The following FOXN2 variants were observed in gnomAD, a reference collection of about 807,000 sequenced individuals.
FOXN2 encodes forkhead box protein N2.
Under a neutral mutation model 41.2 loss-of-function variants are expected in FOXN2, and 19 were observed. The ratio of observed to expected loss-of-function variants is 0.46; its 90% CI spans 0.32 to 0.68. The LOEUF is 0.68. Ranked by LOEUF, FOXN2 falls within the 30% of genes least tolerant of loss-of-function variation. FOXN2 has a pLI of 0.03. For missense variants in FOXN2, 587 were observed against 509.4 expected, an observed-to-expected ratio of 1.15 and a Z score of -1.47; for synonymous variants, 195 against 176.8, an observed-to-expected ratio of 1.10 and a Z score of -0.82.
At chr2:48,323,918 C>A (rs921788903) in intron 1 of FOXN2, among the ~76,000 whole-genome samples, 19 of 151,866 alleles carry the variant, frequency 1.3e-4, no homozygotes, top group African/African-American at 4.6e-4. Flanking sequence ...AGAGATGGGT[C>A]CAGTTTCATT....
chr2:48,340,305 T>G (rs115077827), intron 2 of FOXN2, among the ~76,000 whole-genome samples: 8 of 152,226 alleles, frequency 5.3e-5, no homozygotes, highest in Non-Finnish European at 8.8e-5. Flanking sequence ...CCTTTTCTTA[T>G]GTAGTCTCTG....
intron 3 of FOXN2, among the ~76,000 whole-genome samples, chr2:48,348,006 T>C (rs1402161062): frequency 6.6e-6 from 1 of 152,184 alleles, no homozygotes; most frequent in Non-Finnish European, 1.5e-5. Context: ...TCACTGTTTT[T>C]CAGCAGTTTG....
At position 48,373,369 on chromosome 2, in the gene FOXN2, T is replaced by G. The variant is rs558172315; in HGVS notation, c.772+9T>G. 2 of 1,542,706 alleles carry G rather than the reference T, an allele frequency of 1.3e-6. No homozygotes were observed. The highest frequency in any genetic ancestry group is 2.8e-5 in the African/African-American group (2 of 71,392). Reference sequence around the variant, plus strand: ...ACAAGGAATTTTAGAATGTAAGTAATCATGCCTTTTTTAAAAAAAAATTTT... The same window carrying G: ...ACAAGGAATTTTAGAATGTAAGTAAGCATGCCTTTTTTAAAAAAAAATTTT... On this transcript the variant is annotated intron_variant, in intron 6 of 6. Transcript: ENST00000340553.
At chr2:48,354,229 A>C (rs1671641737) in intron 3 of FOXN2, among the ~76,000 whole-genome samples, 1 of 152,222 alleles carries the variant, frequency 6.6e-6, no homozygotes. Flanking sequence ...CAAATGTTGC[A>C]GAACACTTGA....
chr2:48,359,777 T>G (rs974313167), intron 4 of FOXN2, among the ~76,000 whole-genome samples: 1 of 152,126 alleles, frequency 6.6e-6, no homozygotes, highest in African/African-American at 2.4e-5. Context: ...CTAAAGAAAG[T>G]TGTAATATAA....
chr2:48,333,504 G>T (rs1485344361), intron 2 of FOXN2, among the ~76,000 whole-genome samples: 1 of 152,008 alleles, frequency 6.6e-6, no homozygotes, highest in African/African-American at 2.4e-5. Context: ...ACCACAGATA[G>T]ACAAAAAAGA....
In FOXN2 at chr2:48,375,579, G is replaced by A. The variant is rs531683065; in HGVS notation, c.*136G>A. ...TCTTTCAAAACATTTTTGGTTTTTG[G>A]TTTTTAAAATTTTTATTAAACAATT... On this transcript the variant is annotated 3_prime_UTR_variant, in exon 7 of 7. Coordinates refer to ENST00000340553, the MANE Select transcript of FOXN2 (RefSeq NM_002158.4). The A allele has an allele frequency of 9.5e-4, 893 of 939,724 alleles. 3 individuals carry two copies. Among genetic ancestry groups the A allele is most frequent in the Middle Eastern group, 3.5e-3 (10 of 2,884 alleles). The allele number at this position is 939,724 out of a possible 1,614,324, so 58.2% of individuals were successfully genotyped here. A position where few individuals can be genotyped will look rare whatever the true frequency, so the allele number is the denominator to read the frequency against.
chr2:48,328,576 G>A lies in FOXN2; in HGVS notation c.-141G>A, dbSNP rs1669831812. On this transcript the variant is annotated 5_prime_UTR_variant, in exon 2 of 7. Transcript: ENST00000340553. ...TGATGTGCAGTTGGTTGAAGCCATG[G>A]ATAACAGAACCCACAGATGCAGAGG... is the stretch of plus-strand genomic sequence containing the variant. 6.6e-6 allele frequency: 1 copy of A among 152,102 alleles called. No individual in the cohort carries two copies. The highest frequency in any genetic ancestry group is 1.5e-5 in the Non-Finnish European group (1 of 68,020). The allele number at this position is 152,102 out of a possible 1,614,324, so 9.4% of individuals were successfully genotyped here. A position where few individuals can be genotyped will look rare whatever the true frequency, so the allele number is the denominator to read the frequency against.
chr2:48,346,857 A>G (rs1671139008), intron 3 of FOXN2, 106 bp downstream of exon 3: 1 of 885,966 alleles, frequency 1.1e-6, no homozygotes, highest in African/African-American at 1.7e-5. Flanking sequence ...GTCAAGTCAA[A>G]TTACTTCAGC....
chr2:48,333,277 C>T (rs748157464), intron 2 of FOXN2, among the ~76,000 whole-genome samples: 2 of 152,020 alleles, frequency 1.3e-5, no homozygotes, highest in African/African-American at 4.8e-5. Flanking sequence ...TCTTTCTCTA[C>T]CTTTTATCTA....
At chr2:48,363,242 C>G (rs1672312460) in intron 5 of FOXN2, among the ~76,000 whole-genome samples, 3 of 151,744 alleles carry the variant, frequency 2.0e-5, no homozygotes, top group Admixed American at 2.0e-4. Flanking sequence ...GTATTTGTAT[C>G]TTTGTTTTTA....
chr2:48,313,905 T>C (rs4290706), upstream of FOXN2, among the ~76,000 whole-genome samples: 4 of 152,012 alleles, frequency 2.6e-5, no homozygotes, highest in African/African-American at 4.8e-5. Context: ...TTAAATGAGC[T>C]CTCCTGTATT....
At chr2:48,344,677 C>T (rs966634674) in intron 2 of FOXN2, among the ~76,000 whole-genome samples, 1 of 152,160 alleles carries the variant, frequency 6.6e-6, no homozygotes, top group Non-Finnish European at 1.5e-5. Flanking sequence ...CTAACTACTT[C>T]TGGTGGTAGC....
chr2:48,315,132 G>C (rs1288126749), intron 1 of FOXN2, among the ~76,000 whole-genome samples: 4 of 152,282 alleles, frequency 2.6e-5, no homozygotes, highest in South Asian at 2.1e-4. Flanking sequence ...CGGAAACCGC[G>C]GCGAGGGGTG....
At chr2:48,346,161 A>T in intron 2 of FOXN2, 40 bp from the exon 3 acceptor site, 1 of 1,496,940 alleles carries the variant, frequency 6.7e-7, no homozygotes, top group Non-Finnish European at 9.0e-7. Context: ...GAGTTTAAGA[A>T]TCTAAAGTAT....
intron 3 of FOXN2, among the ~76,000 whole-genome samples, chr2:48,348,293 G>A (rs947839716): frequency 1.3e-5 from 2 of 151,670 alleles, no homozygotes; most frequent in East Asian, 1.9e-4. Flanking sequence ...TAGGTTCACC[G>A]TTTTTCTTTG....
chr2:48,335,983 G>A (rs1271869183), intron 2 of FOXN2, among the ~76,000 whole-genome samples: 4 of 150,594 alleles, frequency 2.7e-5, no homozygotes, highest in Admixed American at 6.6e-5. Context: ...AGTGAACATC[G>A]CACCACCGCA....
chr2:48,321,812 A>G (rs1252431421), intron 1 of FOXN2, among the ~76,000 whole-genome samples: 1 of 152,184 alleles, frequency 6.6e-6, no homozygotes, highest in Non-Finnish European at 1.5e-5. Context: ...GTTTTAGTTA[A>G]ATATGTATGT....
chr2:48,351,706 G>T (rs2104409078), intron 3 of FOXN2, among the ~76,000 whole-genome samples: 1 of 152,248 alleles, frequency 6.6e-6, no homozygotes, highest in Admixed American at 6.5e-5. Flanking sequence ...TCGGACAGGA[G>T]GCAGAGCTCA....
Sources: gnomAD v4.1 joint callset for allele counts (sites outside exome capture counted in the v4.1 genomes callset) on GRCh38, gnomAD v4.1.1 for gene constraint, MANE v1.5 for transcripts, NCBI Gene and HGNC (gene_info 2026-07-23, HGNC 2026-07-21) for gene names.